Variants in LAPTM4A observed in about 807,000 individuals in gnomAD.
The protein encoded by LAPTM4A is lysosomal-associated transmembrane protein 4A.
A neutral mutation model predicts 29.9 loss-of-function variants in LAPTM4A; 19 were observed. The observed-to-expected ratio is 0.64, with a 90% CI of 0.44 to 0.93. The LOEUF (loss-of-function observed/expected upper bound fraction) is 0.93. Among genes scored for constraint, LAPTM4A ranks in the 40% least tolerant of loss-of-function variants. The pLI is 0.00. For synonymous variants in LAPTM4A, 105 were observed against 102.1 expected, an observed-to-expected ratio of 1.03 and a Z score of -0.17; for missense variants, 293 against 288.5, an observed-to-expected ratio of 1.02 and a Z score of -0.11.
At chr2:20,039,782 G>A (rs1441403848) in intron 2 of LAPTM4A, among the ~76,000 whole-genome samples, 3 of 151,654 alleles carry the variant, frequency 2.0e-5, no homozygotes, top group Non-Finnish European at 2.9e-5. Context: ...CTGGCTGGGC[G>A]CTGTGGCACG....
chr2:20,037,529 T>C lies in LAPTM4A; in HGVS notation c.309+9A>G. On this transcript the variant is annotated intron_variant, in intron 3 of 6. Transcript: ENST00000175091. ...CAAACTCTAAAAGATGAAAATACAG[T>C]ATACTTACAGAAATTGCTCCATAAA... is the stretch of plus-strand genomic sequence containing the variant. 1 of 1,605,868 alleles carries C rather than the reference T, an allele frequency of 6.2e-7. No individual in the cohort carries two copies.
chr2:20,038,315 T>A (rs1147117), intron 2 of LAPTM4A, among the ~76,000 whole-genome samples: 89,072 of 152,014 alleles, frequency 0.59, 29,004 homozygotes, highest in Non-Finnish European at 0.72. Context: ...TTAATCCATG[T>A]TCACTAATTT....
At chr2:20,038,262 T>C (rs915662659) in intron 2 of LAPTM4A, among the ~76,000 whole-genome samples, 2 of 152,242 alleles carry the variant, frequency 1.3e-5, no homozygotes, top group African/African-American at 4.8e-5. Context: ...CACTACTTTC[T>C]TCTTCGTTTC....
chr2:20,037,456 AC>A lies in LAPTM4A; in HGVS notation c.310-19del. The A allele has an allele frequency of 1.9e-6, 3 of 1,605,300 alleles. No homozygotes were observed. Among genetic ancestry groups the A allele is most frequent in the Non-Finnish European group, 2.5e-6 (3 of 1,177,318 alleles). ...ACTTGATACTGGAGAAAAAATAACAACCATAACATTGTATCACATATAGGAA... is the reference window on the plus strand; with the variant it reads ...ACTTGATACTGGAGAAAAAATAACAACATAACATTGTATCACATATAGGAA... On this transcript the variant is annotated intron_variant, in intron 3 of 6. Transcript: ENST00000175091.
At position 20,051,435 on chromosome 2, in the gene LAPTM4A, G is replaced by A. The variant is rs1219131415; in HGVS notation, c.86C>T (p.Thr29Met). 6.2e-7 allele frequency: 1 copy of A among 1,612,744 alleles called. No homozygotes were observed. The highest frequency in any genetic ancestry group is 8.5e-7 in the Non-Finnish European group (1 of 1,179,370). The change falls in exon 1 of 7, where the codon ACG (threonine) becomes ATG (methionine). Residue 29 changes from threonine to methionine, a missense_variant. Transcript: ENST00000175091. ...CATGTACCAGGTCCCCAGGATGATCGTCCCGGTGCGGACATGGCAACAGCC... is the reference window on the plus strand; with the variant it reads ...CATGTACCAGGTCCCCAGGATGATCATCCCGGTGCGGACATGGCAACAGCC... ...CCGCCHVRTGTIILGTWYMVV... is the reference protein window; with the variant it reads ...CCGCCHVRTGMIILGTWYMVV...
chr2:20,047,417 G>A lies in LAPTM4A; in HGVS notation c.111+3993C>T, dbSNP rs1257369995. On this transcript the variant is annotated intron_variant, in intron 1 of 6. Coordinates refer to ENST00000175091, the MANE Select transcript of LAPTM4A (RefSeq NM_014713.5). The stretch of plus-strand genomic sequence containing the variant: ...AGAAAAAAAAAAAAAAAGGCCGGGC[G>A]CGGTGGCTCACGCCTGTAATCCCAG... Among the ~76,000 whole-genome samples, 22 of 143,372 alleles carry A rather than the reference G, an allele frequency of 1.5e-4. 1 individual carries two copies. Among genetic ancestry groups the A allele is most frequent in the Middle Eastern group, 3.9e-3 (1 of 256 alleles). 94.1% of individuals were successfully genotyped at this position (143,372 alleles called of 152,430 possible).
intron 1 of LAPTM4A, among the ~76,000 whole-genome samples, chr2:20,043,227 T>C (rs1267794696): frequency 1.6e-4 from 22 of 136,760 alleles, no homozygotes; most frequent in African/African-American, 5.8e-4. Flanking sequence ...TTTTTTTTTT[T>C]TTTTTGAGAC....
At chr2:20,034,664 G>C (rs1673642245) in intron 5 of LAPTM4A, among the ~76,000 whole-genome samples, 1 of 152,212 alleles carries the variant, frequency 6.6e-6, no homozygotes, top group Non-Finnish European at 1.5e-5. Flanking sequence ...CTGTGCTGCA[G>C]AAGAAATTCT....
intron 1 of LAPTM4A, among the ~76,000 whole-genome samples, chr2:20,047,395 A>G (rs1673950227): frequency 7.0e-6 from 1 of 143,542 alleles, no homozygotes; most frequent in Non-Finnish European, 1.5e-5. Flanking sequence ...TCAAAAAAGA[A>G]AAAAAAAAAA....
At chr2:20,044,750 G>A in intron 1 of LAPTM4A, among the ~76,000 whole-genome samples, 1 of 152,212 alleles carries the variant, frequency 6.6e-6, no homozygotes, top group East Asian at 1.9e-4. Flanking sequence ...GGGCCAATCA[G>A]AAGGACCAAG....
chr2:20,040,715 C>T (rs1322181448), intron 2 of LAPTM4A, among the ~76,000 whole-genome samples, 176 bp downstream of exon 2: 1 of 152,214 alleles, frequency 6.6e-6, no homozygotes, highest in Admixed American at 6.5e-5. Context: ...TCTACCACAT[C>T]GCCTAGGTGT....
intron 1 of LAPTM4A, among the ~76,000 whole-genome samples, chr2:20,044,140 G>C (rs184462960): frequency 6.1e-4 from 93 of 152,340 alleles, no homozygotes; most frequent in Non-Finnish European, 1.1e-3. Context: ...GCTCTCCCCA[G>C]TTGAAAGCTG....
intron 2 of LAPTM4A, among the ~76,000 whole-genome samples, chr2:20,039,487 C>A (rs188919455): frequency 6.6e-6 from 1 of 152,166 alleles, no homozygotes; most frequent in Admixed American, 6.5e-5. Context: ...GGCACAGTGG[C>A]TCATGCCTGT....
At chr2:20,043,042 C>T (rs1386626054) in intron 1 of LAPTM4A, among the ~76,000 whole-genome samples, 3 of 150,628 alleles carry the variant, frequency 2.0e-5, no homozygotes, top group African/African-American at 4.9e-5. Context: ...TGGGTTCAAG[C>T]GATTCTCCTG....
chr2:20,034,395 AAC>A lies in LAPTM4A; in HGVS notation c.547_548del (p.Val183LeufsTer5). The A allele has an allele frequency of 6.2e-7, 1 of 1,612,916 alleles. No homozygotes were observed. The highest frequency in any genetic ancestry group is 8.5e-7 in the Non-Finnish European group (1 of 1,178,888). ...IIFKAYLINC[V>X]WNCYKYINNR... The stretch of plus-strand genomic sequence containing the variant: ...TGTTGATGTATTTATAGCAGTTCCA[AAC>A]ACAGTTAATTAGATAAGCCTGGAAG... On this transcript the variant is annotated frameshift_variant, in exon 6 of 7. Coordinates refer to ENST00000175091, the MANE Select transcript of LAPTM4A (RefSeq NM_014713.5). LOFTEE classifies it high-confidence loss of function.
rs550820282 is a variant in LAPTM4A at position 20,036,457 on chromosome 2, A to G, written c.432+859T>C. On this transcript the variant is annotated intron_variant, in intron 4 of 6. Transcript: ENST00000175091. The stretch of plus-strand genomic sequence containing the variant: ...TACAATGGTGTATCAGTTAACTGTC[A>G]ACTTCCTGATTCCTTCACCAGGAAG... 4.6e-5 allele frequency among the ~76,000 whole-genome samples: 7 copies of G among 152,326 alleles called. No homozygotes were observed. The South Asian group carries it at 1.4e-3, about 32-fold the overall frequency.
chr2:20,042,726 G>A (rs761853984), intron 1 of LAPTM4A, among the ~76,000 whole-genome samples: 3 of 152,200 alleles, frequency 2.0e-5, no homozygotes, highest in Non-Finnish European at 4.4e-5. Context: ...TGTGCCTGTA[G>A]TTGTTGGCCA....
At chr2:20,049,055 TC>T (rs1673999067) in intron 1 of LAPTM4A, among the ~76,000 whole-genome samples, 1 of 152,258 alleles carries the variant, frequency 6.6e-6, no homozygotes, top group Non-Finnish European at 1.5e-5. Flanking sequence ...ATATTACTGA[TC>T]ACCTTCTCCT....
intron 1 of LAPTM4A, among the ~76,000 whole-genome samples, chr2:20,050,667 G>T (rs746854792): frequency 9.9e-5 from 15 of 152,196 alleles, no homozygotes; most frequent in Non-Finnish European, 1.9e-4. Flanking sequence ...GGTTAGGACA[G>T]AATCACACAG....
Sources: gnomAD v4.1 joint callset for allele counts (sites outside exome capture counted in the v4.1 genomes callset) on GRCh38, gnomAD v4.1.1 for gene constraint, MANE v1.5 for transcripts, NCBI Gene and HGNC (gene_info 2026-07-23, HGNC 2026-07-21) for gene names.